SYT16: variants seen among roughly 807,000 people sequenced by gnomAD.
The protein encoded by SYT16 is synaptotagmin 16, also known as synaptotagmin-16.
SYT16 carries 42 observed loss-of-function variants against 61.4 expected under a neutral mutation model. The observed-to-expected ratio is 0.68, with a 90% CI of 0.53 to 0.89. SYT16 has a LOEUF of 0.89. SYT16 is among the 40% of genes least tolerant of loss of function. The pLI, the probability that SYT16 is intolerant of heterozygous loss-of-function variation, is 0.00. For synonymous variants in SYT16, 314 were observed against 302.3 expected (o/e 1.04, Z -0.40); for missense variants, 804 against 807.3 (o/e 1.00, Z 0.05).
At chr14:61,888,184 C>G (rs965363806) in intron 1 of SYT16, among the ~76,000 whole-genome samples, 3 of 142,084 alleles carry the variant, frequency 2.1e-5, no homozygotes, top group Non-Finnish European at 3.0e-5. Flanking sequence ...GTGGCGTGAT[C>G]TTGGCTCACT....
intron 1 of SYT16, among the ~76,000 whole-genome samples, chr14:61,900,220 G>A (rs939328640): frequency 5.4e-5 from 8 of 148,390 alleles, no homozygotes; most frequent in South Asian, 2.1e-4. Context: ...ATGCAGTGGC[G>A]CAATCTCGGC....
intron 1 of SYT16, among the ~76,000 whole-genome samples, chr14:61,903,733 G>C (rs535559757): frequency 2.6e-5 from 4 of 152,202 alleles, no homozygotes; most frequent in Non-Finnish European, 5.9e-5. Context: ...GGTAGTTCTG[G>C]CAACATATTA....
chr14:62,020,684 A>C (rs1448645986), intron 3 of SYT16, among the ~76,000 whole-genome samples: 2 of 152,206 alleles, frequency 1.3e-5, no homozygotes, highest in South Asian at 2.1e-4. Flanking sequence ...AAACTCAGGG[A>C]ATCTCGGCGA....
In SYT16 at chr14:62,075,199, C is replaced by T. The variant is rs763740767; in HGVS notation, c.801C>T (p.Ile267=). Residue 267 remains isoleucine (I), a synonymous_variant, in exon 5 of 8, where the codon ATC becomes ATT. Transcript: ENST00000683842. ...TCTCCTACGGTGAAGATGACCACATCCCTGCTCACTCACAGTCCCCATGTG... is the reference window on the plus strand; with the variant it reads ...TCTCCTACGGTGAAGATGACCACATTCCTGCTCACTCACAGTCCCCATGTG... ...ENLSYGEDDH[I]PAHSQSPCER... 5.0e-6 allele frequency: 8 copies of T among 1,613,298 alleles called. No homozygotes were observed. In the Admixed American group the frequency reaches 1.3e-4, roughly 27 times the overall value.
chr14:61,835,399 C>G (rs992706887), intron 1 of SYT16, among the ~76,000 whole-genome samples: 1 of 151,746 alleles, frequency 6.6e-6, no homozygotes, highest in Admixed American at 6.6e-5. Flanking sequence ...ACTGGGATTA[C>G]AGGCGCCTGC....
At chr14:62,011,397 AC>A (rs1034403436) in intron 3 of SYT16, among the ~76,000 whole-genome samples, 3 of 152,186 alleles carry the variant, frequency 2.0e-5, no homozygotes, top group African/African-American at 7.2e-5. Flanking sequence ...ATAAAAAAAA[AC>A]ACCACCACTT....
chr14:61,895,981 T>C (rs1222458792), intron 1 of SYT16, among the ~76,000 whole-genome samples: 1 of 152,154 alleles, frequency 6.6e-6, no homozygotes, highest in Non-Finnish European at 1.5e-5. Flanking sequence ...ATGATTGCCC[T>C]CTGTTTGCGC....
intron 7 of SYT16, among the ~76,000 whole-genome samples, chr14:62,085,249 A>AG: frequency 6.6e-6 from 1 of 152,324 alleles, no homozygotes; most frequent in Admixed American, 6.5e-5. Flanking sequence ...AAAGCTTGAA[A>AG]GGGGGGCAGG....
chr14:62,079,857 A>G (rs1049004038), intron 5 of SYT16, among the ~76,000 whole-genome samples: 1 of 152,162 alleles, frequency 6.6e-6, no homozygotes, highest in African/African-American at 2.4e-5. Context: ...CTGCATGTAA[A>G]TTGCTACCCA....
intron 1 of SYT16, among the ~76,000 whole-genome samples, chr14:61,892,396 C>T (rs2048169117): frequency 6.6e-6 from 1 of 152,106 alleles, no homozygotes; most frequent in African/African-American, 2.4e-5. Context: ...CCCACTGCTC[C>T]CCTGGCCACC....
At chr14:61,994,203 A>T (rs1278640975) in intron 2 of SYT16, among the ~76,000 whole-genome samples, 1 of 152,190 alleles carries the variant, frequency 6.6e-6, no homozygotes, top group Non-Finnish European at 1.5e-5. Context: ...ACAATCCCCC[A>T]TGTTGTGAGT....
At chr14:61,893,461 C>T (rs959613450) in intron 1 of SYT16, among the ~76,000 whole-genome samples, 6 of 152,190 alleles carry the variant, frequency 3.9e-5, no homozygotes, top group Non-Finnish European at 7.3e-5. Context: ...GTTTCAGCTT[C>T]CCCATTTTCT....
chr14:61,955,155 TG>T, intron 1 of SYT16, among the ~76,000 whole-genome samples: 1 of 152,082 alleles, frequency 6.6e-6, no homozygotes, highest in East Asian at 1.9e-4. Flanking sequence ...GGGTGTTTAG[TG>T]TAGACAGCTT....
At chr14:62,058,028 A>C (rs2055643495) in intron 3 of SYT16, among the ~76,000 whole-genome samples, 1 of 152,244 alleles carries the variant, frequency 6.6e-6, no homozygotes, top group Non-Finnish European at 1.5e-5. Context: ...ATGGAGTTAT[A>C]TAATGCACAT....
At chr14:61,894,727 C>G (rs1472630932) in intron 1 of SYT16, among the ~76,000 whole-genome samples, 2 of 152,194 alleles carry the variant, frequency 1.3e-5, no homozygotes, top group African/African-American at 4.8e-5. Context: ...TCTGTGCACA[C>G]TCAAGAATCA....
intron 1 of SYT16, among the ~76,000 whole-genome samples, chr14:61,935,803 A>G (rs77682307): frequency 1.3e-5 from 2 of 152,354 alleles, no homozygotes; most frequent in East Asian, 3.9e-4. Context: ...AGCACATAGT[A>G]GGTTCTTTTG....
chr14:61,917,214 G>A (rs1056406150), intron 1 of SYT16, among the ~76,000 whole-genome samples: 1 of 152,108 alleles, frequency 6.6e-6, no homozygotes, highest in Non-Finnish European at 1.5e-5. Flanking sequence ...TCACTGTCTT[G>A]GAGAGTCCCA....
intron 2 of SYT16, among the ~76,000 whole-genome samples, chr14:61,995,105 T>A (rs902911218): frequency 3.9e-5 from 6 of 152,124 alleles, no homozygotes; most frequent in Non-Finnish European, 7.4e-5. Context: ...CACATATACA[T>A]GTAAAAGTAT....
At chr14:61,815,772 A>C (rs561553573) in intron 1 of SYT16, among the ~76,000 whole-genome samples, 27 of 152,330 alleles carry the variant, frequency 1.8e-4, no homozygotes, top group African/African-American at 5.8e-4. Context: ...GTACTGAACT[A>C]TTTCATGATT....
Sources: gnomAD v4.1 joint callset for allele counts (sites outside exome capture counted in the v4.1 genomes callset) on GRCh38, gnomAD v4.1.1 for gene constraint, MANE v1.5 for transcripts, NCBI Gene and HGNC (gene_info 2026-07-23, HGNC 2026-07-21) for gene names.